The following SBF2 variants were observed in gnomAD, a reference collection of about 807,000 sequenced individuals.
SBF2 encodes the protein myotubularin-related protein 13.
SBF2 carries 112 observed loss-of-function variants against 225.2 expected under a neutral mutation model. The ratio of observed to expected loss-of-function variants is 0.50; its 90% CI spans 0.43 to 0.58. SBF2 has a LOEUF of 0.58. Among genes scored for constraint, SBF2 ranks in the 20% least tolerant of loss-of-function variants. The pLI is 0.00. For synonymous variants in SBF2, 763 were observed against 773.3 expected, an observed-to-expected ratio of 0.99 and a Z score of 0.22; for missense variants, 1,996 against 2,206.2, an observed-to-expected ratio of 0.90 and a Z score of 1.91.
intron 1 of SBF2, among the ~76,000 whole-genome samples, chr11:10,211,620 A>C (rs1041973209): frequency 1.3e-5 from 2 of 152,218 alleles, no homozygotes; most frequent in African/African-American, 2.4e-5. Flanking sequence ...CCTATCAATT[A>C]GCATGATGTC....
intron 1 of SBF2, among the ~76,000 whole-genome samples, chr11:10,207,083 C>T (rs1358389566): frequency 6.6e-6 from 1 of 152,058 alleles, no homozygotes. Context: ...ACAAAGAAGT[C>T]TTGAAAGAAG....
chr11:9,790,486 T>C lies in SBF2; in HGVS notation c.4698+70A>G, dbSNP rs1011116625. ...TTATAAAAAGCTTAAACTGCTTATA[T>C]ATGTTAAAACTAAGGAAAACCTTAA... is the stretch of plus-strand genomic sequence containing the variant. On this transcript the variant is annotated intron_variant, in intron 34 of 39. Transcript: ENST00000256190. 68 of 1,342,838 alleles carry C rather than the reference T, an allele frequency of 5.1e-5. 1 individual carries two copies. The Middle Eastern group carries it at 1.1e-3, about 22-fold the overall frequency. 83.2% of individuals were successfully genotyped at this position (1,342,838 alleles called of 1,614,324 possible).
chr11:10,181,444 G>C (rs1449099356), intron 2 of SBF2, among the ~76,000 whole-genome samples: 1 of 151,948 alleles, frequency 6.6e-6, no homozygotes, highest in Admixed American at 6.6e-5. Flanking sequence ...CCCAATTTTT[G>C]AAGTGATTTT....
At chr11:10,263,020 TACA>T (rs1429955419) in intron 1 of SBF2, among the ~76,000 whole-genome samples, 4 of 152,090 alleles carry the variant, frequency 2.6e-5, no homozygotes, top group African/African-American at 2.4e-5. Context: ...CAGTGTTCAA[TACA>T]ACATTTAATC....
intron 14 of SBF2, among the ~76,000 whole-genome samples, chr11:9,967,971 C>CTCTCTATATA (rs1260685462): frequency 4.4e-5 from 4 of 91,508 alleles, no homozygotes; most frequent in African/African-American, 1.5e-4. Flanking sequence ...CTCTCTCTCT[C>CTCTCTATATA]TATATATATA....
chr11:10,274,537 G>T (rs1323699403), intron 1 of SBF2, among the ~76,000 whole-genome samples: 1 of 152,122 alleles, frequency 6.6e-6, no homozygotes, highest in African/African-American at 2.4e-5. Flanking sequence ...GATCACCTGA[G>T]GTCAGGAGTT....
intron 2 of SBF2, among the ~76,000 whole-genome samples, chr11:10,173,156 G>A (rs1054555503): frequency 6.6e-6 from 1 of 152,212 alleles, no homozygotes; most frequent in Non-Finnish European, 1.5e-5. Flanking sequence ...CAGGAGAGGA[G>A]CCAAGATGGC....
At chr11:9,967,727 C>T (rs948961580) in intron 14 of SBF2, among the ~76,000 whole-genome samples, 1 of 152,118 alleles carries the variant, frequency 6.6e-6, no homozygotes, top group Admixed American at 6.5e-5. Context: ...ACCAGCCTGA[C>T]TAACATGGAG....
chr11:9,994,118 C>T, intron 9 of SBF2, 120 bp from the exon 10 acceptor site: 1 of 799,076 alleles, frequency 1.3e-6, no homozygotes, highest in Non-Finnish European at 2.1e-6. Flanking sequence ...GAATACAATT[C>T]AATTAGCTGG....
chr11:9,983,159 G>A lies in SBF2; in HGVS notation c.1395+6338C>T, dbSNP rs571611258. ...CACTTTTCTTTCACAGCTGGGAGGC[G>A]GATAGCCTCGGGCAAGTTTTCAAGC... On this transcript the variant is annotated intron_variant, in intron 13 of 39. Transcript: ENST00000256190. Among the ~76,000 whole-genome samples, 8 of 152,324 alleles carry A rather than the reference G, an allele frequency of 5.3e-5. No homozygotes were observed. The East Asian group carries it at 1.2e-3, about 22-fold the overall frequency.
chr11:10,004,917 A>G (rs1948130360), intron 6 of SBF2, among the ~76,000 whole-genome samples: 1 of 152,066 alleles, frequency 6.6e-6, no homozygotes, highest in Admixed American at 6.5e-5. Flanking sequence ...AGACCCAACC[A>G]ATGTACATCT....
chr11:10,169,701 T>C (rs1278491825), intron 2 of SBF2, among the ~76,000 whole-genome samples: 1 of 152,202 alleles, frequency 6.6e-6, no homozygotes, highest in Non-Finnish European at 1.5e-5. Flanking sequence ...TGCCTAGCAG[T>C]GGAATTGCTA....
intron 28 of SBF2, among the ~76,000 whole-genome samples, chr11:9,827,809 G>A (rs1403776589): frequency 6.6e-6 from 1 of 152,140 alleles, no homozygotes; most frequent in East Asian, 1.9e-4. Flanking sequence ...GTGATAGATT[G>A]GTCTTTCTGC....
chr11:10,206,756 T>C (rs934578408), intron 1 of SBF2, among the ~76,000 whole-genome samples: 1 of 152,056 alleles, frequency 6.6e-6, no homozygotes, highest in East Asian at 1.9e-4. Context: ...ATAGAATCAG[T>C]GAACTTGAGG....
chr11:10,077,323 CA>C (rs1344984331), intron 2 of SBF2, among the ~76,000 whole-genome samples: 2 of 152,068 alleles, frequency 1.3e-5, no homozygotes, highest in Non-Finnish European at 1.5e-5. Context: ...ATATGGACCC[CA>C]AAAAGGGCCC....
rs1851889480 is a variant in SBF2 at position 9,779,484 on chromosome 11, T to G, written c.*934A>C. The G allele has an allele frequency of 6.6e-6, 1 of 152,522 alleles. No individual in the cohort carries two copies. The highest frequency in any genetic ancestry group is 1.5e-5 in the Non-Finnish European group (1 of 67,998). The allele number at this position is 152,522 out of a possible 1,614,324, so 9.4% of individuals were successfully genotyped here. A position where few individuals can be genotyped will look rare whatever the true frequency, so the allele number is the denominator to read the frequency against. ...TTACTTTTCATGTGTAGAAGTGTAG[T>G]TTGGGTATCCAGTCATGCCACAGTG... On this transcript the variant is annotated 3_prime_UTR_variant, in exon 40 of 40. Coordinates refer to ENST00000256190, the MANE Select transcript of SBF2 (RefSeq NM_030962.4).
chr11:10,127,537 G>A (rs1028060053), intron 2 of SBF2, among the ~76,000 whole-genome samples: 8 of 152,016 alleles, frequency 5.3e-5, no homozygotes, highest in Non-Finnish European at 1.2e-4. Context: ...CTAAGGGTCA[G>A]TTCTCCATGG....
intron 16 of SBF2, chr11:9,959,930 A>G (rs1479880681): frequency 3.1e-6 from 1 of 321,028 alleles, no homozygotes; most frequent in East Asian, 7.6e-5. Context: ...AAGATACTTA[A>G]ATCTTTTGCT....
chr11:10,270,026 A>G (rs1036449561), intron 1 of SBF2, among the ~76,000 whole-genome samples: 1 of 152,246 alleles, frequency 6.6e-6, no homozygotes, highest in Admixed American at 6.5e-5. Context: ...AGAACAATTC[A>G]TCACAGCACT....
Sources: allele counts gnomAD v4.1 joint callset (sites outside exome capture counted in the v4.1 genomes callset), GRCh38; gene constraint gnomAD v4.1.1; transcripts MANE v1.5; gene names NCBI Gene and HGNC (gene_info 2026-07-23, HGNC 2026-07-21).